Variants in HSPA12B observed in about 807,000 individuals in gnomAD.
The protein encoded by HSPA12B is heat shock 70 kDa protein 12B.
A neutral mutation model predicts 69.3 loss-of-function variants in HSPA12B; 54 were observed. The ratio of observed to expected loss-of-function variants is 0.78; its 90% CI spans 0.63 to 0.98. The LOEUF (loss-of-function observed/expected upper bound fraction) is 0.98. Among genes scored for constraint, HSPA12B ranks in the 50% least tolerant of loss-of-function variants. The pLI is 0.00. For synonymous variants in HSPA12B, 441 were observed against 436.5 expected, an observed-to-expected ratio of 1.01 and a Z score of -0.13; for missense variants, 929 against 999.8, an observed-to-expected ratio of 0.93 and a Z score of 0.96.
rs774609739 is a variant in HSPA12B, at chr20:3,751,969, C to A, written c.1864C>A (p.Pro622Thr). 2 of 1,579,160 alleles carry A rather than the reference C, an allele frequency of 1.3e-6. No individual in the cohort carries two copies. Among genetic ancestry groups the A allele is most frequent in the Admixed American group, 1.8e-5 (1 of 57,036 alleles). The change falls in exon 13 of 13, where the codon CCC becomes ACC. Residue 622 changes from proline to threonine, a missense_variant. Pro to Thr is a conservative substitution (Grantham distance 38). Coordinates refer to ENST00000254963, the MANE Select transcript of HSPA12B (RefSeq NM_052970.5). ...AGAGGATGCGCGCTTCATCACCGAC[C>A]CCGGCGTGCGCAAATGCGGCGCGCT... ...AAEDARFITDPGVRKCGALSL... is the reference protein window; with the variant it reads ...AAEDARFITDTGVRKCGALSL...
rs1252075579 is a variant in HSPA12B, at chr20:3,751,841, C to T, written c.1736C>T (p.Ala579Val). 4 of 1,540,166 alleles carry T rather than the reference C, an allele frequency of 2.6e-6. No individual in the cohort carries two copies. The highest frequency in any genetic ancestry group is 3.8e-5 in the Admixed American group (2 of 52,046). Residue 579 changes from alanine to valine, a missense_variant, in exon 13 of 13, where the codon GCC (alanine) becomes GTC (valine). Ala to Val is a moderately conservative substitution (Grantham distance 64, BLOSUM62 0). Around this residue, in one of 3 missense-constraint regions of HSPA12B, gnomAD observed 448 missense variants for 448.1 expected, o/e 1.00. Coordinates refer to ENST00000254963, the MANE Select transcript of HSPA12B (RefSeq NM_052970.5). ...ACCGACGTCTTCGAGCGCTTCGTGG[C>T]CGCCGAGCAGTCGGTGGCCCTGGGC... Reference protein sequence around the residue: ...WCTDVFERFVAAEQSVALGEE... With the variant: ...WCTDVFERFVVAEQSVALGEE...
chr20:3,741,489 T>C (rs1286251895), intron 3 of HSPA12B, among the ~76,000 whole-genome samples: 2 of 151,980 alleles, frequency 1.3e-5, no homozygotes, highest in Admixed American at 6.5e-5. Context: ...AACAATTAGC[T>C]GGGCGTGGTG....
rs1174255963 is a variant in HSPA12B, at chr20:3,749,825, G to A, written c.1013G>A (p.Gly338Asp). The change falls in exon 10 of 13, where the codon GGC (glycine) becomes GAC (aspartate). Residue 338 changes from glycine to aspartate, a missense_variant. Coordinates refer to ENST00000254963, the MANE Select transcript of HSPA12B (RefSeq NM_052970.5). This position sits in a 1 kb window ranked among gnomAD's most constrained non-coding sequence, Gnocchi z 5.5. Reference protein sequence around the residue: ...LTVHQLEQPHGTLKELYKASG... With the variant: ...LTVHQLEQPHDTLKELYKASG... Reference sequence around the variant, plus strand: ...GTGCACCAGCTGGAGCAGCCCCATGGCACCCTCAAGGAGCTCTACAAGGCA... The same window carrying A: ...GTGCACCAGCTGGAGCAGCCCCATGACACCCTCAAGGAGCTCTACAAGGCA... 1.9e-6 allele frequency: 3 copies of A among 1,608,610 alleles called. No individual in the cohort carries two copies. The highest frequency in any genetic ancestry group is 1.7e-6 in the Non-Finnish European group (2 of 1,178,336).
At position 3,749,180 on chromosome 20, in the gene HSPA12B, TAGC is replaced by T. The variant is rs1467959058; in HGVS notation, c.851-51_851-49del. 2.7e-5 allele frequency: 42 copies of T among 1,529,612 alleles called. No individual in the cohort carries two copies. The highest frequency in any genetic ancestry group is 3.7e-5 in the Non-Finnish European group (41 of 1,114,486). 94.8% of individuals were successfully genotyped at this position (1,529,612 alleles called of 1,614,324 possible). A position where few individuals can be genotyped will look rare whatever the true frequency, so the allele number is the denominator to read the frequency against. On this transcript the variant is annotated intron_variant, in intron 8 of 12. Coordinates refer to ENST00000254963, the MANE Select transcript of HSPA12B (RefSeq NM_052970.5). This position sits in a 1 kb window ranked among gnomAD's most constrained non-coding sequence, Gnocchi z 5.5. ...GCAGGAGGATGGGAGTTGAACGCCA[TAGC>T]TGGAGCACCTCCTTCTAATCTCACT...
rs1203623640 is a variant in HSPA12B at position 3,751,698 on chromosome 20, G to A, written c.1593G>A (p.Pro531=). ...GCGCGGTGCTGTTCGGCCAGGCGCCGGGCGTGGTGCGGGTCCGCCGCTCGC... is the reference window on the plus strand; with the variant it reads ...GCGCGGTGCTGTTCGGCCAGGCGCCAGGCGTGGTGCGGGTCCGCCGCTCGC... ...LKGAVLFGQA[P]GVVRVRRSPL... The change falls in exon 13 of 13, where the codon CCG becomes CCA. Residue 531 remains proline (P), a synonymous_variant. Coordinates refer to ENST00000254963, the MANE Select transcript of HSPA12B (RefSeq NM_052970.5). 3 of 1,484,106 alleles carry A rather than the reference G, an allele frequency of 2.0e-6. No individual in the cohort carries two copies. Among genetic ancestry groups the A allele is most frequent in the East Asian group, 2.6e-5 (1 of 37,870 alleles). The allele number at this position is 1,484,106 out of a possible 1,614,324, so 91.9% of individuals were successfully genotyped here.
Position 3,741,379 on chromosome 20 carries a change from C to T in HSPA12B, c.141+467C>T, listed in dbSNP as rs531334471. Among the ~76,000 whole-genome samples the T allele has an allele frequency of 1.3e-4, 20 of 152,128 alleles. No individual in the cohort carries two copies. In the South Asian group the frequency reaches 4.2e-3, roughly 32 times the overall value. ...GGGCATGGTGGCTCATACCTGTAAT[C>T]CCAGCACTTTGGGAGGCCGAGGTGG... On this transcript the variant is annotated intron_variant, in intron 3 of 12. Coordinates refer to ENST00000254963, the MANE Select transcript of HSPA12B (RefSeq NM_052970.5).
At chr20:3,747,188 G>A (rs1220118551) in intron 7 of HSPA12B, among the ~76,000 whole-genome samples, 1 of 152,136 alleles carries the variant, frequency 6.6e-6, no homozygotes, top group African/African-American at 2.4e-5. Context: ...CGTAACCCTA[G>A]AGCCTTGGAT....
rs1385620238 is a variant in HSPA12B, at chr20:3,753,083, GACAAT to G, written c.*919_*923del. 6.5e-6 allele frequency: 1 copy of G among 153,062 alleles called. No individual in the cohort carries two copies. The highest frequency in any genetic ancestry group is 1.5e-5 in the Non-Finnish European group (1 of 68,064). The allele number at this position is 153,062 out of a possible 1,614,324, so 9.5% of individuals were successfully genotyped here. On this transcript the variant is annotated 3_prime_UTR_variant, in exon 13 of 13. Coordinates refer to ENST00000254963, the MANE Select transcript of HSPA12B (RefSeq NM_052970.5). ...CCCACCTGCCTGAGAGCCCTGAGGT[GACAAT>G]AAAACATTTATGCTCAAGGGGAAGC... is the stretch of plus-strand genomic sequence containing the variant.
rs1411818234 is a variant in HSPA12B at position 3,744,744 on chromosome 20, C to G, written c.267-158C>G. On this transcript the variant is annotated intron_variant, in intron 4 of 12. Transcript: ENST00000254963. This position sits in a 1 kb window ranked among gnomAD's most constrained non-coding sequence, Gnocchi z 4.9. Reference sequence around the variant, plus strand: ...CCTTCTGTGCTCTTCATGATCTCACCTTAGCATTCTTGTGTTTTCTCCTGC... The same window carrying G: ...CCTTCTGTGCTCTTCATGATCTCACGTTAGCATTCTTGTGTTTTCTCCTGC... 6.6e-6 allele frequency among the ~76,000 whole-genome samples: 1 copy of G among 152,228 alleles called. No individual in the cohort carries two copies. Among genetic ancestry groups the G allele is most frequent in the Non-Finnish European group, 1.5e-5 (1 of 68,038 alleles).
chr20:3,745,544 G>A lies in HSPA12B; in HGVS notation c.505G>A (p.Ala169Thr), dbSNP rs751696616. ...LEAVNGKTMP[A>T]LEVFAHALRF... ...GGCAGTAAATGGAAAGACGATGCCC[G>A]CCCTGGAGGTGTTCGCCCATGCCCT... Residue 169 changes from alanine (A) to threonine (T), a missense_variant, in exon 6 of 13, where the codon GCC (alanine) becomes ACC (threonine). Physicochemically the swap from Ala to Thr is moderately conservative, Grantham distance 58. Coordinates refer to ENST00000254963, the MANE Select transcript of HSPA12B (RefSeq NM_052970.5). This position sits in a 1 kb window ranked among gnomAD's most constrained non-coding sequence, Gnocchi z 5.6. 3.7e-6 allele frequency: 6 copies of A among 1,614,148 alleles called. No individual in the cohort carries two copies. Among genetic ancestry groups the A allele is most frequent in the South Asian group, 1.1e-5 (1 of 91,076 alleles).
rs1190352562 is a variant in HSPA12B at position 3,749,895 on chromosome 20, G to C, written c.1042+41G>C. ...GCGCCCCGGTACCCAGCGCGACCCG[G>C]GCTCCGGCCCCGCCACTGCCCCCTG... On this transcript the variant is annotated intron_variant, in intron 10 of 12. Transcript: ENST00000254963. The surrounding 1 kb of genome is among the most constrained non-coding windows in gnomAD (Gnocchi z 5.5). The C allele has an allele frequency of 6.5e-7, 1 of 1,541,864 alleles. No individual in the cohort carries two copies.
intron 1 of HSPA12B, among the ~76,000 whole-genome samples, chr20:3,734,761 A>G (rs1290253570): frequency 3.1e-5 from 4 of 130,074 alleles, no homozygotes; most frequent in East Asian, 4.3e-4. Context: ...TTTTTTGGAG[A>G]CAGGGTCTCA....
Position 3,744,873 on chromosome 20 carries a change from G to A in HSPA12B, c.267-29G>A, listed in dbSNP as rs1361031923. The A allele has an allele frequency of 6.2e-7, 1 of 1,605,682 alleles. No homozygotes were observed. The highest frequency in any genetic ancestry group is 8.5e-7 in the Non-Finnish European group (1 of 1,177,238). On this transcript the variant is annotated intron_variant, in intron 4 of 12. Transcript: ENST00000254963. The surrounding 1 kb of genome is among the most constrained non-coding windows in gnomAD (Gnocchi z 4.9). ...CTGGATTCCCACCCAAGAAGGGAGG[G>A]TTGCACTGACTGCCCTGTGCCTCCG...
rs1221526480 is a variant in HSPA12B, at chr20:3,740,140, G to C, written c.44-675G>C. Among the ~76,000 whole-genome samples, 1 of 151,852 alleles carries C rather than the reference G, an allele frequency of 6.6e-6. No homozygotes were observed. Among genetic ancestry groups the C allele is most frequent in the Admixed American group, 6.5e-5 (1 of 15,282 alleles). ...TCCTGCCCTGAAATGCTGGCTCAGG[G>C]TGTGTGTATGTGTGTGTGTGGGGGG... On this transcript the variant is annotated intron_variant, in intron 2 of 12. Transcript: ENST00000254963. The surrounding 1 kb of genome is among the most constrained non-coding windows in gnomAD (Gnocchi z 4.9).
intron 4 of HSPA12B, among the ~76,000 whole-genome samples, chr20:3,742,689 T>A (rs973943166): frequency 1.3e-5 from 2 of 149,666 alleles, no homozygotes; most frequent in African/African-American, 5.0e-5. Flanking sequence ...TATGCAAATG[T>A]TTTTTATTTT....
chr20:3,741,092 T>C (rs2088193570), intron 3 of HSPA12B, among the ~76,000 whole-genome samples, 180 bp downstream of exon 3: 1 of 152,080 alleles, frequency 6.6e-6, no homozygotes, highest in Admixed American at 6.5e-5. Flanking sequence ...TGGGTGACCC[T>C]GGACTATAAA....
At chr20:3,739,359 T>C (rs1467568107) in intron 2 of HSPA12B, among the ~76,000 whole-genome samples, 1 of 152,192 alleles carries the variant, frequency 6.6e-6, no homozygotes, top group Non-Finnish European at 1.5e-5. Context: ...AGTCTGCAGG[T>C]GGGCACGCAT....
intron 2 of HSPA12B, among the ~76,000 whole-genome samples, chr20:3,739,850 T>C (rs959359273): frequency 1.3e-5 from 2 of 152,140 alleles, no homozygotes; most frequent in African/African-American, 4.8e-5. Flanking sequence ...GATTTGTCCA[T>C]GGAGCTTCCT....
In HSPA12B at chr20:3,737,232, G is replaced by T. The variant is rs866512866; in HGVS notation, c.-17-1426G>T. 4.6e-5 allele frequency among the ~76,000 whole-genome samples: 7 copies of T among 152,162 alleles called. No individual in the cohort carries two copies. Among genetic ancestry groups the T allele is most frequent in the Admixed American group, 3.3e-4 (5 of 15,268 alleles). On this transcript the variant is annotated intron_variant, in intron 1 of 12. Coordinates refer to ENST00000254963, the MANE Select transcript of HSPA12B (RefSeq NM_052970.5). This position sits in a 1 kb window ranked among gnomAD's most constrained non-coding sequence, Gnocchi z 4.1. The stretch of plus-strand genomic sequence containing the variant: ...CACTTTGAGTAACAAAGCTGTTGAT[G>T]GTTTGAAATATCCTGCCTATAGCCT...
Sources: allele counts gnomAD v4.1 joint callset (sites outside exome capture counted in the v4.1 genomes callset), GRCh38; gene constraint gnomAD v4.1.1; regional missense constraint gnomAD v4.1.1; non-coding constraint Gnocchi (gnomAD v3.1); transcripts MANE v1.5; gene names NCBI Gene and HGNC (gene_info 2026-07-23, HGNC 2026-07-21).